The following NAT2 variants were observed in gnomAD, a reference collection of about 807,000 sequenced individuals.
The protein encoded by NAT2 is arylamine N-acetyltransferase 2.
For missense variants in NAT2, 428 were observed against 339.1 expected (o/e 1.26, Z -2.06); for synonymous variants, 137 against 125.9 (o/e 1.09, Z -0.59).
Position 18,400,335 on chromosome 8 carries a change from A to C in NAT2, c.332A>C (p.Gln111Pro). 6.2e-7 allele frequency: 1 copy of C among 1,613,618 alleles called. No individual in the cohort carries two copies. The highest frequency in any genetic ancestry group is 1.1e-5 in the South Asian group (1 of 91,040). The part of the protein sequence containing the change: ...YSTGMVHLLL[Q>P]VTIDGRNYIV... The stretch of plus-strand genomic sequence containing the variant: ...ACTGGCATGGTTCACCTTCTCCTGC[A>C]GGTGACCATTGACGGCAGGAATTAC... Residue 111 changes from glutamine to proline, a missense_variant, in exon 2 of 2, where the codon CAG becomes CCG. By Grantham distance (76) the Gln-to-Pro change is moderately conservative (BLOSUM62 -1). Coordinates refer to ENST00000286479, the MANE Select transcript of NAT2 (RefSeq NM_000015.3).
At chr8:18,390,934 C>G (rs563916246), upstream of NAT2, among the ~76,000 whole-genome samples, 1 of 152,214 alleles carries the variant, frequency 6.6e-6, no homozygotes, top group African/African-American at 2.4e-5. Flanking sequence ...TTTCATCTTC[C>G]TCTTCTGCCG....
chr8:18,400,709 G>A lies in NAT2; in HGVS notation c.706G>A (p.Gly236Ser), dbSNP rs778253810. 5.6e-6 allele frequency: 9 copies of A among 1,613,534 alleles called. No individual in the cohort carries two copies. Among genetic ancestry groups the A allele is most frequent in the South Asian group, 2.2e-5 (2 of 91,056 alleles). Reference protein sequence around the residue: ...QTPEGVYCLVGFILTYRKFNY... With the variant: ...QTPEGVYCLVSFILTYRKFNY... ...CCCAGAAGGGGTTTACTGTTTGGTGGGCTTCATCCTCACCTATAGAAAATT... is the reference window on the plus strand; with the variant it reads ...CCCAGAAGGGGTTTACTGTTTGGTGAGCTTCATCCTCACCTATAGAAAATT... The change falls in exon 2 of 2, where the codon GGC becomes AGC. Residue 236 changes from glycine to serine, a missense_variant. Transcript: ENST00000286479.
At chr8:18,399,491 GAATC>G (rs1355653147) in intron 1 of NAT2, among the ~76,000 whole-genome samples, 3 of 152,260 alleles carry the variant, frequency 2.0e-5, no homozygotes, top group Admixed American at 6.5e-5. Context: ...ACTATTTCTT[GAATC>G]AATCAGTGAA....
upstream of NAT2, among the ~76,000 whole-genome samples, chr8:18,386,908 C>CA (rs1371822925): frequency 1.3e-5 from 2 of 152,218 alleles, no homozygotes; most frequent in Non-Finnish European, 2.9e-5. Flanking sequence ...CCTCACAACT[C>CA]AGGTGAGCAA....
intron 1 of NAT2, among the ~76,000 whole-genome samples, chr8:18,397,009 C>T (rs968824192): frequency 6.6e-6 from 1 of 152,128 alleles, no homozygotes; most frequent in Non-Finnish European, 1.5e-5. Context: ...GATTAAAGAA[C>T]AGCTACTCAT....
rs777261694 is a variant in NAT2 at position 18,400,465 on chromosome 8, A to G, written c.462A>G (p.Glu154=). The change falls in exon 2 of 2, where the codon GAA becomes GAG. Residue 154 remains glutamate (E), a synonymous_variant. Coordinates refer to ENST00000286479, the MANE Select transcript of NAT2 (RefSeq NM_000015.3). Reference sequence around the variant, plus strand: ...TGCCTTGCATTTTCTGCTTGACAGAAGAGAGAGGAATCTGGTACCTGGACC... The same window carrying G: ...TGCCTTGCATTTTCTGCTTGACAGAGGAGAGAGGAATCTGGTACCTGGACC... ...PQVPCIFCLT[E]ERGIWYLDQI... The G allele has an allele frequency of 6.2e-7, 1 of 1,613,882 alleles. No homozygotes were observed. Among genetic ancestry groups the G allele is most frequent in the Middle Eastern group, 1.7e-4 (1 of 6,058 alleles).
chr8:18,396,048 A>T (rs1174725249), intron 1 of NAT2, among the ~76,000 whole-genome samples: 1 of 151,864 alleles, frequency 6.6e-6, no homozygotes, highest in African/African-American at 2.4e-5. Context: ...GGAAATCTAA[A>T]TTTTACCATT....
At chr8:18,397,083 T>A (rs1236246798) in intron 1 of NAT2, among the ~76,000 whole-genome samples, 1 of 152,166 alleles carries the variant, frequency 6.6e-6, no homozygotes, top group Non-Finnish European at 1.5e-5. Context: ...AATTATAGAG[T>A]GATTTCATCT....
intron 1 of NAT2, among the ~76,000 whole-genome samples, chr8:18,397,665 A>G (rs769346057): frequency 2.6e-5 from 4 of 152,128 alleles, no homozygotes; most frequent in African/African-American, 9.6e-5. Context: ...GGTTAGAGCA[A>G]TAAGGGTTTC....
upstream of NAT2, chr8:18,387,186 C>T (rs1800517783): frequency 1.3e-5 from 2 of 152,712 alleles, no homozygotes; most frequent in African/African-American, 2.4e-5. Flanking sequence ...AGCTGGCCGC[C>T]TTCTTCCTGC....
chr8:18,399,874 A>G lies in NAT2; in HGVS notation c.-6-124A>G, dbSNP rs186512199. 53 of 1,108,020 alleles carry G rather than the reference A, an allele frequency of 4.8e-5. No homozygotes were observed. In the African/African-American group the frequency reaches 6.5e-4, roughly 14 times the overall value. 68.6% of individuals were successfully genotyped at this position (1,108,020 alleles called of 1,614,324 possible). A position where few individuals can be genotyped will look rare whatever the true frequency, so the allele number is the denominator to read the frequency against. On this transcript the variant is annotated intron_variant, in intron 1 of 1. Transcript: ENST00000286479. ...TAGAAATACTAACAAAAGAATTACT[A>G]TGACAGATACTTATAACCATTGTGT...
At chr8:18,394,484 T>C (rs187644670) in intron 1 of NAT2, among the ~76,000 whole-genome samples, 4 of 152,332 alleles carry the variant, frequency 2.6e-5, no homozygotes, top group Admixed American at 2.6e-4. Flanking sequence ...TGGAACATTC[T>C]TTTTTGTAAA....
Position 18,400,197 on chromosome 8 carries a change from G to C in NAT2, c.194G>C (p.Gly65Ala). ...GATCACATTGTAAGAAGAAACCGGG[G>C]TGGGTGGTGTCTCCAGGTCAATCAA... is the stretch of plus-strand genomic sequence containing the variant. ...IFDHIVRRNR[G>A]GWCLQVNQLL... The change falls in exon 2 of 2, where the codon GGT (glycine) becomes GCT (alanine). Residue 65 changes from glycine to alanine, a missense_variant. Coordinates refer to ENST00000286479, the MANE Select transcript of NAT2 (RefSeq NM_000015.3). 6.2e-7 allele frequency: 1 copy of C among 1,613,248 alleles called. No individual in the cohort carries two copies. The highest frequency in any genetic ancestry group is 8.5e-7 in the Non-Finnish European group (1 of 1,179,398).
At chr8:18,399,783 A>G (rs1800755378) in intron 1 of NAT2, among the ~76,000 whole-genome samples, 1 of 152,224 alleles carries the variant, frequency 6.6e-6, no homozygotes, top group South Asian at 2.1e-4. Context: ...AAGATACAAT[A>G]ATACTTTCCT....
chr8:18,397,504 A>G (rs1800713819), intron 1 of NAT2, among the ~76,000 whole-genome samples: 1 of 152,166 alleles, frequency 6.6e-6, no homozygotes, highest in East Asian at 1.9e-4. Flanking sequence ...GGAAAGTCCA[A>G]TCATGTTGGA....
intron 1 of NAT2, among the ~76,000 whole-genome samples, chr8:18,393,371 C>A (rs917236602): frequency 6.6e-6 from 1 of 151,986 alleles, no homozygotes; most frequent in South Asian, 2.1e-4. Context: ...TAAATATCTA[C>A]GTCCCATTCC....
In NAT2 at chr8:18,394,994, A is replaced by G. The variant is rs1009001549; in HGVS notation, c.-7+3649A>G. Among the ~76,000 whole-genome samples, 4 of 152,214 alleles carry G rather than the reference A, an allele frequency of 2.6e-5. 1 individual carries two copies. Among genetic ancestry groups the G allele is most frequent in the Admixed American group, 2.0e-4 (3 of 15,282 alleles). ...CAAATATTAAAAGCTGTAAATGTCT[A>G]AAAAGAAAAAAATTTTGACTCTGAA... On this transcript the variant is annotated intron_variant, in intron 1 of 1. Coordinates refer to ENST00000286479, the MANE Select transcript of NAT2 (RefSeq NM_000015.3).
chr8:18,393,177 C>T (rs1018367790), intron 1 of NAT2, among the ~76,000 whole-genome samples: 3 of 151,958 alleles, frequency 2.0e-5, no homozygotes, highest in Non-Finnish European at 4.4e-5. Context: ...AAATTTAAAA[C>T]AAGTTTCACA....
chr8:18,389,566 T>A (rs1036026972), upstream of NAT2, among the ~76,000 whole-genome samples: 1 of 152,158 alleles, frequency 6.6e-6, no homozygotes, highest in Non-Finnish European at 1.5e-5. Flanking sequence ...TGTCAAACAT[T>A]TGAAGGTGGC....
Sources: gnomAD v4.1 joint callset for allele counts (sites outside exome capture counted in the v4.1 genomes callset) on GRCh38, gnomAD v4.1.1 for gene constraint, MANE v1.5 for transcripts, NCBI Gene and HGNC (gene_info 2026-07-23, HGNC 2026-07-21) for gene names.